The following KIRREL3 variants were observed in gnomAD, a reference collection of about 807,000 sequenced individuals.
The protein encoded by KIRREL3 is kirre like nephrin family adhesion molecule 3.
KIRREL3 carries 36 observed loss-of-function variants against 89.7 expected under a neutral mutation model. That is an observed-to-expected ratio of 0.40 (90% confidence interval 0.31 to 0.53). The LOEUF (loss-of-function observed/expected upper bound fraction) is 0.53, where lower values mean the gene tolerates loss of function less well. Among genes scored for constraint, KIRREL3 ranks in the 20% least tolerant of loss-of-function variants. The probability of loss-of-function intolerance (pLI) is 0.49; values close to 1 mark genes in which losing one functional copy is unlikely to be tolerated. For missense variants in KIRREL3, 864 were observed against 1,056.6 expected (o/e 0.82, Z 2.53); for synonymous variants, 445 against 441.4 (o/e 1.01, Z -0.10).
intron 1 of KIRREL3, among the ~76,000 whole-genome samples, chr11:126,888,653 C>A (rs539515940): frequency 5.3e-5 from 8 of 152,260 alleles, no homozygotes; most frequent in African/African-American, 1.9e-4. Flanking sequence ...GGTTCCCAAT[C>A]AGAAGTTCAT....
At position 126,612,730 on chromosome 11, in the gene KIRREL3, TACA is replaced by T. The variant is rs1033970850; in HGVS notation, c.56-49821_56-49819del. On this transcript the variant is annotated intron_variant, in intron 1 of 16. Transcript: ENST00000525144. This position sits in a 1 kb window ranked among gnomAD's most constrained non-coding sequence, Gnocchi z 4.5. The stretch of plus-strand genomic sequence containing the variant: ...TGGATTTACCTATACTGGACACTCC[TACA>T]ACATGTGGCCTTTTGTGTCCGTCTC... Among the ~76,000 whole-genome samples the T allele has an allele frequency of 2.0e-5, 3 of 152,244 alleles. No homozygotes were observed. The highest frequency in any genetic ancestry group is 6.5e-5 in the Admixed American group (1 of 15,284).
At chr11:126,654,021 G>A (rs958462968) in intron 1 of KIRREL3, among the ~76,000 whole-genome samples, 1 of 152,168 alleles carries the variant, frequency 6.6e-6, no homozygotes, top group Non-Finnish European at 1.5e-5. Context: ...CACAGCCCTC[G>A]ATTCTAGAAT....
At chr11:126,785,098 T>C (rs973023556) in intron 1 of KIRREL3, among the ~76,000 whole-genome samples, 16 of 152,192 alleles carry the variant, frequency 1.1e-4, no homozygotes, top group African/African-American at 2.9e-4. Context: ...GGGAGAATCT[T>C]ATACTAAACT....
rs1950217193 is a variant in KIRREL3 at position 126,997,740 on chromosome 11, G to T, written c.55+2715C>A. On this transcript the variant is annotated intron_variant, in intron 1 of 16. Transcript: ENST00000525144. The surrounding 1 kb of genome is among the most constrained non-coding windows in gnomAD (Gnocchi z 4.3). ...GCTTGGAGCACTCTCTCTGCACGGG[G>T]ACCAAGATACTGGGAGCATGGAGCT... 6.6e-6 allele frequency among the ~76,000 whole-genome samples: 1 copy of T among 152,180 alleles called. No individual in the cohort carries two copies. The highest frequency in any genetic ancestry group is 1.5e-5 in the Non-Finnish European group (1 of 68,032).
Position 126,486,336 on chromosome 11 carries a change from T to C in KIRREL3, c.434-12870A>G, listed in dbSNP as rs1208961594. Among the ~76,000 whole-genome samples, 3 of 152,174 alleles carry C rather than the reference T, an allele frequency of 2.0e-5. No homozygotes were observed. The highest frequency in any genetic ancestry group is 7.2e-5 in the African/African-American group (3 of 41,516). ...GGAGAGAGGAAGGGGTGAGTAGGGC[T>C]GGGGCAGGAAGGCCAGTGTGTGGTG... On this transcript the variant is annotated intron_variant, in intron 4 of 16. Transcript: ENST00000525144. The surrounding 1 kb of genome is among the most constrained non-coding windows in gnomAD (Gnocchi z 6.2).
At chr11:126,863,113 T>G (rs947170635) in intron 1 of KIRREL3, among the ~76,000 whole-genome samples, 1 of 152,258 alleles carries the variant, frequency 6.6e-6, no homozygotes, top group Non-Finnish European at 1.5e-5. Flanking sequence ...GGCTGGCTGC[T>G]GGTGACTTGC....
chr11:126,767,848 A>G (rs1949877524), intron 1 of KIRREL3, among the ~76,000 whole-genome samples: 1 of 152,250 alleles, frequency 6.6e-6, no homozygotes, highest in East Asian at 1.9e-4. Context: ...TGTGGCTGAC[A>G]ATTTGATTGG....
At position 126,492,962 on chromosome 11, in the gene KIRREL3, C is replaced by T. The variant is rs1274378657; in HGVS notation, c.434-19496G>A. Among the ~76,000 whole-genome samples, 1 of 152,196 alleles carries T rather than the reference C, an allele frequency of 6.6e-6. No individual in the cohort carries two copies. The highest frequency in any genetic ancestry group is 2.4e-5 in the African/African-American group (1 of 41,452). ...ACTTCCTGGCCGTGGGCTGAGTGAC[C>T]CAAAAGGCCGTAGAACAGCCTCGGT... On this transcript the variant is annotated intron_variant, in intron 4 of 16. Transcript: ENST00000525144. The surrounding 1 kb of genome is among the most constrained non-coding windows in gnomAD (Gnocchi z 4.8).
At position 126,715,031 on chromosome 11, in the gene KIRREL3, C is replaced by G. The variant is rs1336816738; in HGVS notation, c.56-152119G>C. On this transcript the variant is annotated intron_variant, in intron 1 of 16. Coordinates refer to ENST00000525144, the MANE Select transcript of KIRREL3 (RefSeq NM_032531.4). This position sits in a 1 kb window ranked among gnomAD's most constrained non-coding sequence, Gnocchi z 4.4. ...CTTTTTCTCAGATTCTAAACTCACA[C>G]CCCACCTTTCTGTGTGGCTGCATGG... Among the ~76,000 whole-genome samples, 1 of 152,222 alleles carries G rather than the reference C, an allele frequency of 6.6e-6. No homozygotes were observed. Among genetic ancestry groups the G allele is most frequent in the Non-Finnish European group, 1.5e-5 (1 of 68,044 alleles).
chr11:126,455,668 C>T lies in KIRREL3; in HGVS notation c.848+681G>A, dbSNP rs989696532. Reference sequence around the variant, plus strand: ...AAAAATTAGCTGGCGTGGTGGCGGGCGCCTGTAGTCCCAGCTACTTGGGAG... The same window carrying T: ...AAAAATTAGCTGGCGTGGTGGCGGGTGCCTGTAGTCCCAGCTACTTGGGAG... On this transcript the variant is annotated intron_variant, in intron 7 of 16. Transcript: ENST00000525144. This position sits in a 1 kb window ranked among gnomAD's most constrained non-coding sequence, Gnocchi z 6.4. Among the ~76,000 whole-genome samples the T allele has an allele frequency of 1.3e-5, 2 of 150,378 alleles. No individual in the cohort carries two copies. Among genetic ancestry groups the T allele is most frequent in the Admixed American group, 6.6e-5 (1 of 15,126 alleles).
intron 1 of KIRREL3, among the ~76,000 whole-genome samples, chr11:126,588,981 A>C (rs1314915527): frequency 2.0e-5 from 3 of 152,132 alleles, no homozygotes; most frequent in Non-Finnish European, 2.9e-5. Flanking sequence ...TTGGGCCGTG[A>C]AGCCTGGCAC....
Position 126,795,388 on chromosome 11 carries a change from G to C in KIRREL3, c.55+205067C>G, listed in dbSNP as rs944363311. On this transcript the variant is annotated intron_variant, in intron 1 of 16. Coordinates refer to ENST00000525144, the MANE Select transcript of KIRREL3 (RefSeq NM_032531.4). The surrounding 1 kb of genome is among the most constrained non-coding windows in gnomAD (Gnocchi z 4.1). ...TTTATTTTATTTTACTTTATTTTTT[G>C]AGACAGAGTCTCAGTCTGTGACCCA... 6.6e-6 allele frequency among the ~76,000 whole-genome samples: 1 copy of C among 152,080 alleles called. No homozygotes were observed. The highest frequency in any genetic ancestry group is 1.5e-5 in the Non-Finnish European group (1 of 68,012).
intron 1 of KIRREL3, among the ~76,000 whole-genome samples, chr11:126,842,945 A>C (rs541763481): frequency 8.4e-6 from 1 of 118,654 alleles, no homozygotes; most frequent in African/African-American, 2.8e-5. Context: ...ACCAAGCATC[A>C]CAGATTTTTT....
At chr11:126,533,440 A>T (rs1241297487) in intron 2 of KIRREL3, among the ~76,000 whole-genome samples, 1 of 152,180 alleles carries the variant, frequency 6.6e-6, no homozygotes, top group African/African-American at 2.4e-5. Context: ...AATAATGTAC[A>T]CTAGCTCACT....
At chr11:126,533,473 C>T (rs1959003795) in intron 2 of KIRREL3, among the ~76,000 whole-genome samples, 1 of 152,210 alleles carries the variant, frequency 6.6e-6, no homozygotes, top group South Asian at 2.1e-4. Flanking sequence ...TGTATAATGT[C>T]CTCATGAACA....
rs1306514375 is a variant in KIRREL3, at chr11:126,664,408, G to A, written c.56-101496C>T. On this transcript the variant is annotated intron_variant, in intron 1 of 16. Transcript: ENST00000525144. This position sits in a 1 kb window ranked among gnomAD's most constrained non-coding sequence, Gnocchi z 5.4. ...GAGTGAAGTCTAGTGAGACCACACG[G>A]ACATGGACTTTCCAGTGTTGAGAAG... Among the ~76,000 whole-genome samples, 2 of 152,118 alleles carry A rather than the reference G, an allele frequency of 1.3e-5. No homozygotes were observed. Among genetic ancestry groups the A allele is most frequent in the African/African-American group, 2.4e-5 (1 of 41,426 alleles).
rs1958812355 is a variant in KIRREL3 at position 126,527,916 on chromosome 11, G to T, written c.134-1229C>A. ...GTCTCCTGGGAGTCCACAGTTGAGT[G>T]GACAATGGAACATTGACATTCGCTG... On this transcript the variant is annotated intron_variant, in intron 2 of 16. Transcript: ENST00000525144. This position sits in a 1 kb window ranked among gnomAD's most constrained non-coding sequence, Gnocchi z 4.2. Among the ~76,000 whole-genome samples the T allele has an allele frequency of 6.6e-6, 1 of 152,264 alleles. No individual in the cohort carries two copies. Among genetic ancestry groups the T allele is most frequent in the South Asian group, 2.1e-4 (1 of 4,826 alleles).
Position 126,627,648 on chromosome 11 carries a change from CA to C in KIRREL3, c.56-64737del, listed in dbSNP as rs1459245994. ...GCGGTTGGCTTTAGTAAATATGCCT[CA>C]AGCAGCTGTCACTGGGACCCTGCGT... On this transcript the variant is annotated intron_variant, in intron 1 of 16. Coordinates refer to ENST00000525144, the MANE Select transcript of KIRREL3 (RefSeq NM_032531.4). This position sits in a 1 kb window ranked among gnomAD's most constrained non-coding sequence, Gnocchi z 5.0. Among the ~76,000 whole-genome samples the C allele has an allele frequency of 6.6e-6, 1 of 152,234 alleles. No homozygotes were observed. The highest frequency in any genetic ancestry group is 1.9e-4 in the East Asian group (1 of 5,198).
Position 126,491,199 on chromosome 11 carries a change from T to G in KIRREL3, c.434-17733A>C, listed in dbSNP as rs1399705615. Reference sequence around the variant, plus strand: ...CTCCCCGGGCGTCAGCGTCTGCATCTGAAAGTGGGCATGGCGGTGAAACCA... The same window carrying G: ...CTCCCCGGGCGTCAGCGTCTGCATCGGAAAGTGGGCATGGCGGTGAAACCA... On this transcript the variant is annotated intron_variant, in intron 4 of 16. Transcript: ENST00000525144. This position sits in a 1 kb window ranked among gnomAD's most constrained non-coding sequence, Gnocchi z 5.5. Among the ~76,000 whole-genome samples, 1 of 152,104 alleles carries G rather than the reference T, an allele frequency of 6.6e-6. No individual in the cohort carries two copies. Among genetic ancestry groups the G allele is most frequent in the African/African-American group, 2.4e-5 (1 of 41,404 alleles).
Sources: allele counts gnomAD v4.1 joint callset (sites outside exome capture counted in the v4.1 genomes callset), GRCh38; gene constraint gnomAD v4.1.1; non-coding constraint Gnocchi (gnomAD v3.1); transcripts MANE v1.5; gene names NCBI Gene and HGNC (gene_info 2026-07-23, HGNC 2026-07-21).